Variants in MCTP1 observed in about 807,000 individuals in gnomAD.
MCTP1 encodes multiple C2 and transmembrane domain containing 1.
MCTP1 carries 69 observed loss-of-function variants against 120.6 expected under a neutral mutation model. That is an observed-to-expected ratio of 0.57 (90% CI 0.47 to 0.70). The LOEUF (loss-of-function observed/expected upper bound fraction) is 0.70. MCTP1 is among the 30% of genes least tolerant of loss of function. The pLI is 0.00. For missense variants in MCTP1, 1,203 were observed against 1,248.8 expected, an observed-to-expected ratio of 0.96 and a Z score of 0.55; for synonymous variants, 529 against 493.1, an observed-to-expected ratio of 1.07 and a Z score of -0.96.
intron 1 of MCTP1, among the ~76,000 whole-genome samples, chr5:95,229,201 T>C (rs1754638326): frequency 6.6e-6 from 1 of 152,202 alleles, no homozygotes. Flanking sequence ...TGCAGAGATC[T>C]GTGATTCTTA....
intron 1 of MCTP1, among the ~76,000 whole-genome samples, chr5:95,187,646 C>G (rs1360221910): frequency 6.6e-6 from 1 of 152,088 alleles, no homozygotes; most frequent in African/African-American, 2.4e-5. Context: ...GTGATCCACC[C>G]GCCTCAGTCT....
chr5:94,925,015 T>C (rs1812683088), intron 6 of MCTP1, among the ~76,000 whole-genome samples: 1 of 152,244 alleles, frequency 6.6e-6, no homozygotes, highest in South Asian at 2.1e-4. Context: ...GTGCTTTTCA[T>C]GCCATGTTTA....
chr5:94,774,207 CAAAAAAAAAAAAAA>C (rs70978130), intron 19 of MCTP1, among the ~76,000 whole-genome samples: 11 of 4,182 alleles, frequency 2.6e-3, no homozygotes, highest in East Asian at 0.025. Flanking sequence ...GACTCCGTCT[CAAAAAAAAAAAAAA>C]AAAAAAAAAA....
rs576034118 is a variant in MCTP1 at position 95,002,377 on chromosome 5, C to A, written c.838+14990G>T. Among the ~76,000 whole-genome samples the A allele has an allele frequency of 6.6e-5, 10 of 152,306 alleles. No individual in the cohort carries two copies. The East Asian group carries it at 1.7e-3, about 26-fold the overall frequency. ...ATGGTAGATCCACCCACAGCTTGCACTGTATGCCTGGAAAAGCCACAGACA... is the reference window on the plus strand; with the variant it reads ...ATGGTAGATCCACCCACAGCTTGCAATGTATGCCTGGAAAAGCCACAGACA... On this transcript the variant is annotated intron_variant, in intron 2 of 22. Transcript: ENST00000515393.
intron 7 of MCTP1, among the ~76,000 whole-genome samples, chr5:94,923,554 A>G (rs1812240282): frequency 6.6e-6 from 1 of 152,154 alleles, no homozygotes; most frequent in South Asian, 2.1e-4. Flanking sequence ...GAGTTATAGT[A>G]TAGATCACTG....
At chr5:95,093,991 G>A (rs1756039315) in intron 1 of MCTP1, among the ~76,000 whole-genome samples, 2 of 152,292 alleles carry the variant, frequency 1.3e-5, no homozygotes, top group East Asian at 3.9e-4. Context: ...CCAGGCCAAT[G>A]GCCAGCACCA....
intron 17 of MCTP1, among the ~76,000 whole-genome samples, chr5:94,835,050 C>T (rs1157286886): frequency 6.6e-6 from 1 of 152,060 alleles, no homozygotes; most frequent in Non-Finnish European, 1.5e-5. Flanking sequence ...CTCCTAACCT[C>T]AAGTGATCCA....
chr5:95,200,160 CAAA>C (rs61616371), intron 1 of MCTP1, among the ~76,000 whole-genome samples: 2 of 122,206 alleles, frequency 1.6e-5, no homozygotes. Context: ...GACACTATCT[CAAA>C]AAAAAAAAAA....
intron 20 of MCTP1, among the ~76,000 whole-genome samples, chr5:94,711,490 C>T (rs746394940): frequency 9.2e-5 from 14 of 152,064 alleles, no homozygotes; most frequent in Non-Finnish European, 1.9e-4. Context: ...GAAAGAGGAA[C>T]AAAACAGCCT....
chr5:95,091,311 C>A (rs1008006136), intron 1 of MCTP1, among the ~76,000 whole-genome samples: 4 of 152,194 alleles, frequency 2.6e-5, no homozygotes, highest in African/African-American at 9.6e-5. Context: ...ACTCATAATT[C>A]ATTGCAGGAA....
chr5:94,889,102 T>G, intron 11 of MCTP1, 130 bp from the exon 12 acceptor site: 1 of 564,722 alleles, frequency 1.8e-6, no homozygotes. Context: ...TTAAACTAAC[T>G]AATTTTTTTT....
At chr5:94,790,499 T>TGTTGGG (rs1778669458) in intron 18 of MCTP1, among the ~76,000 whole-genome samples, 1 of 152,122 alleles carries the variant, frequency 6.6e-6, no homozygotes, top group African/African-American at 2.4e-5. Context: ...CTGTGGGGTG[T>TGTTGGG]GTTGGGTTAA....
intron 1 of MCTP1, among the ~76,000 whole-genome samples, chr5:95,089,046 G>A (rs961366271): frequency 2.6e-5 from 4 of 152,210 alleles, no homozygotes; most frequent in Non-Finnish European, 4.4e-5. Context: ...AATCATTTAT[G>A]TCATATCATT....
intron 1 of MCTP1, among the ~76,000 whole-genome samples, chr5:95,111,052 T>G (rs187497827): frequency 1.3e-5 from 2 of 152,150 alleles, no homozygotes; most frequent in African/African-American, 4.8e-5. Flanking sequence ...AAGGATTCAT[T>G]TGGAGACACT....
At chr5:94,801,976 C>T (rs1439746612) in intron 17 of MCTP1, among the ~76,000 whole-genome samples, 1 of 152,204 alleles carries the variant, frequency 6.6e-6, no homozygotes, top group Admixed American at 6.5e-5. Context: ...GCACTCAGAA[C>T]TGACACACAC....
intron 7 of MCTP1, among the ~76,000 whole-genome samples, chr5:94,922,563 A>G (rs1269586481): frequency 6.6e-6 from 1 of 151,176 alleles, no homozygotes; most frequent in Non-Finnish European, 1.5e-5. Context: ...ATCGCAGCCC[A>G]CTACAACCTC....
chr5:95,130,250 C>A (rs1267601643), intron 1 of MCTP1, among the ~76,000 whole-genome samples: 1 of 152,112 alleles, frequency 6.6e-6, no homozygotes, highest in Non-Finnish European at 1.5e-5. Flanking sequence ...GTTGAAGAAG[C>A]CTGATTAATA....
At chr5:94,849,480 C>T (rs186698980) in intron 17 of MCTP1, among the ~76,000 whole-genome samples, 201 of 152,178 alleles carry the variant, frequency 1.3e-3, no homozygotes, top group African/African-American at 4.3e-3. Context: ...TATTCATCCT[C>T]TAGGGCCCAG....
chr5:94,748,096 A>G (rs1407146660), intron 19 of MCTP1, among the ~76,000 whole-genome samples: 1 of 152,244 alleles, frequency 6.6e-6, no homozygotes, highest in Non-Finnish European at 1.5e-5. Flanking sequence ...GTCTCAAGAA[A>G]GAAACCATAA....
Sources: gnomAD v4.1 joint callset for allele counts (sites outside exome capture counted in the v4.1 genomes callset) on GRCh38, gnomAD v4.1.1 for gene constraint, MANE v1.5 for transcripts, NCBI Gene and HGNC (gene_info 2026-07-23, HGNC 2026-07-21) for gene names.